KMT2B: variants seen among roughly 807,000 people sequenced by gnomAD.
KMT2B encodes lysine methyltransferase 2B.
In KMT2B, 22 loss-of-function variants were observed where a neutral mutation model predicts 255.3. That is an observed-to-expected ratio of 0.09 (90% CI 0.06 to 0.12). The LOEUF is 0.12. KMT2B is among the 10% of genes least tolerant of loss of function. The pLI, the probability that KMT2B is intolerant of heterozygous loss-of-function variation, is 1.00. For synonymous variants in KMT2B, 1,730 were observed against 1,498.1 expected (o/e 1.15, Z -3.57); for missense variants, 3,149 against 3,737.0 (o/e 0.84, Z 4.10).
chr19:35,718,249 G>C lies in KMT2B; in HGVS notation c.231G>C (p.Leu77=). The C allele has an allele frequency of 1.7e-6, 2 of 1,199,336 alleles. No homozygotes were observed. Among genetic ancestry groups the C allele is most frequent in the Non-Finnish European group, 2.1e-6 (2 of 960,102 alleles). The allele number at this position is 1,199,336 out of a possible 1,614,324, so 74.3% of individuals were successfully genotyped here. A position where few individuals can be genotyped will look rare whatever the true frequency, so the allele number is the denominator to read the frequency against. Reference sequence around the variant, plus strand: ...GTTTGCTGGGGCTCCGCCGGGGCCTGCGCCGGCTCCGCCGCCTGTGGGCCG... The same window carrying C: ...GTTTGCTGGGGCTCCGCCGGGGCCTCCGCCGGCTCCGCCGCCTGTGGGCCG... ...LLRLLGLRRG[L]RRLRRLWAGP... Residue 77 remains leucine (L), a synonymous_variant, in exon 1 of 37, where the codon CTG becomes CTC. Coordinates refer to ENST00000420124, the MANE Select transcript of KMT2B (RefSeq NM_014727.3). This position sits in a 1 kb window ranked among gnomAD's most constrained non-coding sequence, Gnocchi z 5.0.
At chr19:35,724,203 T>A (rs1383358700) in intron 8 of KMT2B, among the ~76,000 whole-genome samples, 196 bp downstream of exon 8, 1 of 152,116 alleles carries the variant, frequency 6.6e-6, no homozygotes, top group African/African-American at 2.4e-5. Flanking sequence ...TGAGTGAGAC[T>A]TAAGGGTCAT....
At position 35,725,229 on chromosome 19, in the gene KMT2B, G is replaced by C; in HGVS notation, c.3538G>C (p.Asp1180His). 6.2e-7 allele frequency: 1 copy of C among 1,612,330 alleles called. No homozygotes were observed. The highest frequency in any genetic ancestry group is 8.5e-7 in the Non-Finnish European group (1 of 1,179,070). ...RVRVDFKEDC[D>H]LENVWLMGGL... is the part of the protein sequence containing the mutation. ...TCCTCTCTTCCCCCAGGAGGATTGT[G>C]ATTTAGAGAACGTGTGGCTGATGGG... is the stretch of plus-strand genomic sequence containing the variant. The change falls in exon 11 of 37, where the codon GAT becomes CAT. Residue 1180 changes from aspartate (D) to histidine (H), a missense_variant. By Grantham distance (81) the Asp-to-His change is moderately conservative. Coordinates refer to ENST00000420124, the MANE Select transcript of KMT2B (RefSeq NM_014727.3). This position sits in a 1 kb window ranked among gnomAD's most constrained non-coding sequence, Gnocchi z 4.1.
chr19:35,718,264 C>G lies in KMT2B; in HGVS notation c.246C>G (p.Arg82=), dbSNP rs1247706264. The part of the protein sequence containing the change: ...GLRRGLRRLR[R]LWAGPRVQRG... ...GCCGGGGCCTGCGCCGGCTCCGCCG[C>G]CTGTGGGCCGGCCCGCGGGTCCAGC... The change falls in exon 1 of 37, where the codon CGC becomes CGG. Residue 82 remains arginine, a synonymous_variant. Transcript: ENST00000420124. This position sits in a 1 kb window ranked among gnomAD's most constrained non-coding sequence, Gnocchi z 5.0. 2 of 1,213,744 alleles carry G rather than the reference C, an allele frequency of 1.6e-6. No homozygotes were observed. Among genetic ancestry groups the G allele is most frequent in the East Asian group, 6.9e-5 (2 of 28,978 alleles). The allele number at this position is 1,213,744 out of a possible 1,614,324, so 75.2% of individuals were successfully genotyped here.
rs776208283 is a variant in KMT2B at position 35,737,964 on chromosome 19, G to C, written c.7742+22G>C. The C allele has an allele frequency of 6.2e-7, 1 of 1,605,220 alleles. No homozygotes were observed. The highest frequency in any genetic ancestry group is 2.2e-5 in the East Asian group (1 of 44,592). ...ACAGGTGAGTGGGGTTGGGGGGGAG[G>C]ATGCCCCTTGGGTGGACGGACAGGT... On this transcript the variant is annotated intron_variant, in intron 35 of 36. Transcript: ENST00000420124. This position sits in a 1 kb window ranked among gnomAD's most constrained non-coding sequence, Gnocchi z 5.3.
Position 35,727,085 on chromosome 19 carries a change from C to A in KMT2B, c.4004-71C>A. Reference sequence around the variant, plus strand: ...TGGAGGCAGCTAAGGTACTGCTAATCCTTGAACAGAGACACTCAGGGCTGA... The same window carrying A: ...TGGAGGCAGCTAAGGTACTGCTAATACTTGAACAGAGACACTCAGGGCTGA... On this transcript the variant is annotated intron_variant, in intron 14 of 36. Transcript: ENST00000420124. This position sits in a 1 kb window ranked among gnomAD's most constrained non-coding sequence, Gnocchi z 4.2. The A allele has an allele frequency of 9.0e-7, 1 of 1,105,588 alleles. No individual in the cohort carries two copies. The highest frequency in any genetic ancestry group is 2.6e-5 in the East Asian group (1 of 38,714). The allele number at this position is 1,105,588 out of a possible 1,614,324, so 68.5% of individuals were successfully genotyped here.
chr19:35,719,285 C>A (rs1304056288), intron 1 of KMT2B, among the ~76,000 whole-genome samples, 184 bp from the exon 2 acceptor site: 1 of 152,126 alleles, frequency 6.6e-6, no homozygotes. Flanking sequence ...AAATACCTGG[C>A]GCCTCCATCC....
In KMT2B at chr19:35,732,997, C is replaced by G; in HGVS notation, c.6448C>G (p.Gln2150Glu). 6.3e-7 allele frequency: 1 copy of G among 1,599,194 alleles called. No individual in the cohort carries two copies. Reference protein sequence around the residue: ...PPLANGSQPSQGLTASPADPT... With the variant: ...PPLANGSQPSEGLTASPADPT... The stretch of plus-strand genomic sequence containing the variant: ...CCTGGCTAATGGCAGCCAGCCCTCC[C>G]AAGGCCTGACCGCCAGCCCAGCTGA... Residue 2150 changes from glutamine to glutamate, a missense_variant, in exon 28 of 37, where the codon CAA becomes GAA. Physicochemically the swap from Gln to Glu is conservative, Grantham distance 29. Around this residue, in one of 18 missense-constraint regions of KMT2B, gnomAD observed 897 missense variants for 825.3 expected, o/e 1.09. Transcript: ENST00000420124.
At chr19:35,728,569 G>A (rs919899718) in intron 19 of KMT2B, among the ~76,000 whole-genome samples, 1 of 152,166 alleles carries the variant, frequency 6.6e-6, no homozygotes, top group Non-Finnish European at 1.5e-5. Context: ...GCAGAGCTGG[G>A]GAGGAAGAGT....
intron 5 of KMT2B, 125 bp from the exon 6 acceptor site, chr19:35,722,870 A>G: frequency 1.4e-6 from 2 of 1,417,964 alleles, no homozygotes; most frequent in Non-Finnish European, 1.9e-6. Context: ...GAGCAACTTC[A>G]TTTGGGGGCA....
In KMT2B at chr19:35,723,324, C is replaced by G. The variant is rs1969294755; in HGVS notation, c.3002+50C>G. ...TTCCCGTGGTTGTTGGTCCCCTAGGCTTCCTACCTCACTCCTCTTCTGCCT... is the reference window on the plus strand; with the variant it reads ...TTCCCGTGGTTGTTGGTCCCCTAGGGTTCCTACCTCACTCCTCTTCTGCCT... On this transcript the variant is annotated intron_variant, in intron 6 of 36. Coordinates refer to ENST00000420124, the MANE Select transcript of KMT2B (RefSeq NM_014727.3). The surrounding 1 kb of genome is among the most constrained non-coding windows in gnomAD (Gnocchi z 7.5). 5 of 1,585,864 alleles carry G rather than the reference C, an allele frequency of 3.2e-6. No homozygotes were observed. Among genetic ancestry groups the G allele is most frequent in the Non-Finnish European group, 4.3e-6 (5 of 1,162,424 alleles).
At position 35,731,962 on chromosome 19, in the gene KMT2B, C is replaced by A. The variant is rs763644211; in HGVS notation, c.5492C>A (p.Ala1831Asp). The stretch of plus-strand genomic sequence containing the variant: ...GACACAGATGTTCTTGTCCCTGGAG[C>A]TCCTGAGCGCCACTCGCCCATTCAG... ...PLDTDVLVPG[A>D]PERHSPIQNL... The change falls in exon 27 of 37, where the codon GCT (alanine) becomes GAT (aspartate). Residue 1831 changes from alanine (A) to aspartate (D), a missense_variant. Ala to Asp is a moderately radical substitution (Grantham distance 126, BLOSUM62 -2). Around this residue, in one of 18 missense-constraint regions of KMT2B, gnomAD observed 897 missense variants for 825.3 expected, o/e 1.09. Coordinates refer to ENST00000420124, the MANE Select transcript of KMT2B (RefSeq NM_014727.3). 7 of 1,613,694 alleles carry A rather than the reference C, an allele frequency of 4.3e-6. No homozygotes were observed. Among genetic ancestry groups the A allele is most frequent in the Non-Finnish European group, 2.5e-6 (3 of 1,179,808 alleles).
At position 35,732,841 on chromosome 19, in the gene KMT2B, G is replaced by C. The variant is rs751646243; in HGVS notation, c.6292G>C (p.Ala2098Pro). Reference protein sequence around the residue: ...PGVVRAGVLGAAGDRARPPED... With the variant: ...PGVVRAGVLGPAGDRARPPED... ...AGTAGTCCGGGCAGGGGTCCTTGGG[G>C]CTGCAGGGGACAGGGCCCGGCCTCC... The change falls in exon 28 of 37, where the codon GCT becomes CCT. Residue 2098 changes from alanine (A) to proline (P), a missense_variant. Physicochemically the swap from Ala to Pro is conservative, Grantham distance 27. Transcript: ENST00000420124. 6.2e-7 allele frequency: 1 copy of C among 1,608,636 alleles called. No individual in the cohort carries two copies.
chr19:35,724,046 T>G (rs757914909), intron 8 of KMT2B, 39 bp downstream of exon 8: 10 of 1,530,556 alleles, frequency 6.5e-6, no homozygotes. Flanking sequence ...GATCATTTAT[T>G]TGGTCTTGTG....
At position 35,727,759 on chromosome 19, in the gene KMT2B, G is replaced by A. The variant is rs776889319; in HGVS notation, c.4364G>A (p.Arg1455His). 19 of 1,613,756 alleles carry A rather than the reference G, an allele frequency of 1.2e-5. No individual in the cohort carries two copies. Among genetic ancestry groups the A allele is most frequent in the South Asian group, 2.2e-5 (2 of 91,094 alleles). ...TGCGGCCTGCAAGCTGTGAGTCAGC[G>A]CTTCGAGGATGGCCACTACAAGTCT... The part of the protein sequence containing the change: ...GPCGLQAVSQ[R>H]FEDGHYKSVH... The change falls in exon 17 of 37, where the codon CGC becomes CAC. Residue 1455 changes from arginine (R) to histidine (H), a missense_variant. Arg to His is a conservative substitution (Grantham distance 29, BLOSUM62 0). Transcript: ENST00000420124. The surrounding 1 kb of genome is among the most constrained non-coding windows in gnomAD (Gnocchi z 4.2).
chr19:35,732,283 C>T lies in KMT2B; in HGVS notation c.5734C>T (p.Arg1912Cys), dbSNP rs201325543. 5.8e-5 allele frequency: 93 copies of T among 1,610,530 alleles called. No homozygotes were observed. The highest frequency in any genetic ancestry group is 7.4e-5 in the Non-Finnish European group (87 of 1,178,524). The stretch of plus-strand genomic sequence containing the variant: ...CCCGGACTTCCCAGCTCCCCCCAGA[C>T]GTTCCCGTCGTCCCAGCCCTTTGGC... ...GDPDFPAPPR[R>C]SRRPSPLAPR... is the part of the protein sequence containing the mutation. The change falls in exon 28 of 37, where the codon CGT becomes TGT. Residue 1912 changes from arginine (R) to cysteine (C), a missense_variant. This residue lies in a region of KMT2B where 897 missense variants were observed against 825.3 expected (regional missense o/e 1.09). Transcript: ENST00000420124.
At position 35,726,232 on chromosome 19, in the gene KMT2B, C is replaced by A. The variant is rs772700275; in HGVS notation, c.3886-4C>A. On this transcript the variant is annotated splice_region_variant and splice_polypyrimidine_tract_variant and intron_variant, in intron 13 of 36. Transcript: ENST00000420124. ...TTTCCCCTAACATCGCCCTGCTCCC[C>A]CAGATCTGTTCAGCCTGTGTGCGCT... 1 of 1,611,590 alleles carries A rather than the reference C, an allele frequency of 6.2e-7. No individual in the cohort carries two copies. Among genetic ancestry groups the A allele is most frequent in the Non-Finnish European group, 8.5e-7 (1 of 1,177,936 alleles).
Position 35,733,996 on chromosome 19 carries a change from G to T in KMT2B, c.7159+124G>T. 5 of 666,048 alleles carry T rather than the reference G, an allele frequency of 7.5e-6. No individual in the cohort carries two copies. The highest frequency in any genetic ancestry group is 2.8e-5 in the Admixed American group (1 of 36,296). 41.3% of individuals were successfully genotyped at this position (666,048 alleles called of 1,614,324 possible). On this transcript the variant is annotated intron_variant, in intron 30 of 36. Transcript: ENST00000420124. The surrounding 1 kb of genome is among the most constrained non-coding windows in gnomAD (Gnocchi z 4.3). Reference sequence around the variant, plus strand: ...TCCCAGGGGCCAAGCCTGAGGCTCGGTGCTAGAGTTAGAGATGACCTTGGG... The same window carrying T: ...TCCCAGGGGCCAAGCCTGAGGCTCGTTGCTAGAGTTAGAGATGACCTTGGG...
rs778069411 is a variant in KMT2B at position 35,731,982 on chromosome 19, A to G, written c.5512A>G (p.Ile1838Val). The part of the protein sequence containing the change: ...VPGAPERHSP[I>V]QNLDPPLRPD... ...TGGAGCTCCTGAGCGCCACTCGCCC[A>G]TTCAGAACCTGGACCCTCCACTGCG... The change falls in exon 27 of 37, where the codon ATT becomes GTT. Residue 1838 changes from isoleucine (I) to valine (V), a missense_variant. Ile to Val is a conservative substitution (Grantham distance 29, BLOSUM62 3). Coordinates refer to ENST00000420124, the MANE Select transcript of KMT2B (RefSeq NM_014727.3). 2 of 1,613,646 alleles carry G rather than the reference A, an allele frequency of 1.2e-6. No homozygotes were observed. Among genetic ancestry groups the G allele is most frequent in the Admixed American group, 1.7e-5 (1 of 59,974 alleles).
Position 35,720,548 on chromosome 19 carries a change from C to T in KMT2B, c.1201C>T (p.Leu401=), listed in dbSNP as rs907225192. The T allele has an allele frequency of 1.3e-6, 2 of 1,545,896 alleles. No homozygotes were observed. The highest frequency in any genetic ancestry group is 1.4e-5 in the African/African-American group (1 of 72,576). Residue 401 remains leucine, a synonymous_variant, in exon 3 of 37, where the codon CTG becomes TTG. Transcript: ENST00000420124. ...MPAAEKEEAK[L]PPPPLTPPAP... Reference sequence around the variant, plus strand: ...AGCTGCGGAAAAGGAAGAGGCAAAGCTGCCACCACCGCCTCTGACTCCTCC... The same window carrying T: ...AGCTGCGGAAAAGGAAGAGGCAAAGTTGCCACCACCGCCTCTGACTCCTCC...
Sources: gnomAD v4.1 joint callset for allele counts (sites outside exome capture counted in the v4.1 genomes callset) on GRCh38, gnomAD v4.1.1 for gene constraint, gnomAD v4.1.1 regional missense constraint, Gnocchi (gnomAD v3.1) non-coding constraint, MANE v1.5 for transcripts, NCBI Gene and HGNC (gene_info 2026-07-23, HGNC 2026-07-21) for gene names.